The following ABCB5 variants were observed in gnomAD, a reference collection of about 807,000 sequenced individuals.
ABCB5 encodes the protein ATP binding cassette subfamily B member 5, also known as ATP-binding cassette sub-family B member 5.
In ABCB5, 155 loss-of-function variants were observed where a neutral mutation model predicts 144.2. The observed-to-expected ratio is 1.08, with a 90% CI of 0.94 to 1.23. The LOEUF (loss-of-function observed/expected upper bound fraction) is 1.23, where lower values mean the gene tolerates loss of function less well. Among genes scored for constraint, ABCB5 ranks in the 50% most tolerant of loss-of-function variants. ABCB5 has a pLI of 0.00. For synonymous variants in ABCB5, 610 were observed against 528.6 expected, an observed-to-expected ratio of 1.15 and a Z score of -2.11; for missense variants, 1,830 against 1,520.8, an observed-to-expected ratio of 1.20 and a Z score of -3.38.
At chr7:20,740,707 G>A (rs1339310795) in intron 24 of ABCB5, among the ~76,000 whole-genome samples, 5 of 152,126 alleles carry the variant, frequency 3.3e-5, no homozygotes, top group Non-Finnish European at 5.9e-5. Context: ...CATAGGCATG[G>A]CATAGACTAT....
In ABCB5 at chr7:20,623,251, A is replaced by G. The variant is rs1003681011; in HGVS notation, c.-21-14A>G. On this transcript the variant is annotated splice_polypyrimidine_tract_variant and intron_variant, in intron 1 of 27. Coordinates refer to ENST00000404938, the MANE Select transcript of ABCB5 (RefSeq NM_001163941.2). The stretch of plus-strand genomic sequence containing the variant: ...TCACATAGCCATAATACATTTGTTA[A>G]AATTGTATTTCAGAAGAAGTAAATT... The G allele has an allele frequency of 1.4e-6, 2 of 1,402,566 alleles. No individual in the cohort carries two copies. Among genetic ancestry groups the G allele is most frequent in the Non-Finnish European group, 2.0e-6 (2 of 1,012,156 alleles). 86.9% of individuals were successfully genotyped at this position (1,402,566 alleles called of 1,614,324 possible). A position where few individuals can be genotyped will look rare whatever the true frequency, so the allele number is the denominator to read the frequency against.
At chr7:20,748,906 A>C (rs1328121357) in intron 26 of ABCB5, among the ~76,000 whole-genome samples, 2 of 152,174 alleles carry the variant, frequency 1.3e-5, no homozygotes, top group East Asian at 3.8e-4. Context: ...CTCTCCAAGA[A>C]TTATTTAGCA....
At chr7:20,727,898 C>G (rs1275188042) in intron 22 of ABCB5, among the ~76,000 whole-genome samples, 2 of 152,164 alleles carry the variant, frequency 1.3e-5, no homozygotes, top group East Asian at 3.8e-4. Context: ...GCTTTTTACT[C>G]TTTTGGACTC....
At chr7:20,719,392 C>T (rs1368445730) in intron 20 of ABCB5, among the ~76,000 whole-genome samples, 1 of 152,086 alleles carries the variant, frequency 6.6e-6, no homozygotes, top group Non-Finnish European at 1.5e-5. Context: ...TTTATTTTAC[C>T]TCATACTATG....
intron 4 of ABCB5, among the ~76,000 whole-genome samples, chr7:20,630,422 A>C (rs1323638388): frequency 6.6e-6 from 1 of 152,134 alleles, no homozygotes; most frequent in East Asian, 1.9e-4. Context: ...GCAAAAAAAA[A>C]TCTTTAAACT....
In ABCB5 at chr7:20,658,661, A is replaced by G. The variant is rs1562544386; in HGVS notation, c.1692A>G (p.Gln564=). The stretch of plus-strand genomic sequence containing the variant: ...ATTCAGAAAGCAAGTCAGCTGTTCA[A>G]GCTGCACTGGAGAAGGTAAGTGAGC... ...ALDSESKSAV[Q]AALEKASKGR... Residue 564 remains glutamine, a synonymous_variant, in exon 14 of 28, where the codon CAA becomes CAG. Coordinates refer to ENST00000404938, the MANE Select transcript of ABCB5 (RefSeq NM_001163941.2). 1.2e-6 allele frequency: 2 copies of G among 1,614,124 alleles called. No homozygotes were observed. Among genetic ancestry groups the G allele is most frequent in the African/African-American group, 2.7e-5 (2 of 75,056 alleles).
intron 24 of ABCB5, among the ~76,000 whole-genome samples, chr7:20,739,686 C>G (rs1300322666): frequency 6.6e-6 from 1 of 151,644 alleles, no homozygotes; most frequent in Non-Finnish European, 1.5e-5. Context: ...AAGTTTTGAT[C>G]TTGGATGAAG....
At chr7:20,633,395 C>G (rs544517166) in intron 5 of ABCB5, among the ~76,000 whole-genome samples, 16 of 152,108 alleles carry the variant, frequency 1.1e-4, no homozygotes, top group South Asian at 6.2e-4. Flanking sequence ...CTTTTCCCCC[C>G]AAAATGAAGA....
At chr7:20,618,441 G>A (rs1217680105) in intron 1 of ABCB5, among the ~76,000 whole-genome samples, 1 of 152,132 alleles carries the variant, frequency 6.6e-6, no homozygotes, top group Non-Finnish European at 1.5e-5. Context: ...GAGCTTACCT[G>A]TGCAGGCAGG....
At chr7:20,636,202 T>G (rs1784152011) in intron 5 of ABCB5, among the ~76,000 whole-genome samples, 1 of 152,190 alleles carries the variant, frequency 6.6e-6, no homozygotes, top group African/African-American at 2.4e-5. Flanking sequence ...TTTTGAAAAT[T>G]CTTGATTAGG....
chr7:20,681,809 G>A (rs974199826), intron 15 of ABCB5, 143 bp downstream of exon 15: 1 of 929,854 alleles, frequency 1.1e-6, no homozygotes, highest in Non-Finnish European at 1.6e-6. Context: ...AAGAAATGGA[G>A]TGTTTCAAAT....
intron 23 of ABCB5, among the ~76,000 whole-genome samples, chr7:20,729,345 T>A (rs1489046449): frequency 2.0e-5 from 3 of 152,206 alleles, no homozygotes; most frequent in African/African-American, 7.2e-5. Context: ...ACTCTCAGTG[T>A]GGAGATGGCT....
intron 19 of ABCB5, among the ~76,000 whole-genome samples, chr7:20,704,401 CT>C (rs1786747310): frequency 6.6e-6 from 1 of 152,072 alleles, no homozygotes; most frequent in Non-Finnish European, 1.5e-5. Context: ...ATTATGTCTG[CT>C]TTTCACAAAT....
At chr7:20,719,131 A>G (rs2128048520) in intron 20 of ABCB5, among the ~76,000 whole-genome samples, 1 of 152,288 alleles carries the variant, frequency 6.6e-6, no homozygotes, top group African/African-American at 2.4e-5. Flanking sequence ...TGTAGATTTT[A>G]ACTTTATCTA....
intron 5 of ABCB5, among the ~76,000 whole-genome samples, chr7:20,634,970 C>T (rs916533573): frequency 6.6e-6 from 1 of 152,020 alleles, no homozygotes; most frequent in Admixed American, 6.6e-5. Context: ...GTCATGAATA[C>T]TTTGTCAAGG....
chr7:20,669,108 G>C (rs1427129834), intron 14 of ABCB5, among the ~76,000 whole-genome samples: 1 of 151,094 alleles, frequency 6.6e-6, no homozygotes, highest in African/African-American at 2.4e-5. Context: ...TGGTGGGGGG[G>C]GTCAGCCCCC....
Position 20,645,788 on chromosome 7 carries a change from T to C in ABCB5, c.711T>C (p.Ser237=). 3 of 1,613,876 alleles carry C rather than the reference T, an allele frequency of 1.9e-6. No individual in the cohort carries two copies. The highest frequency in any genetic ancestry group is 2.5e-6 in the Non-Finnish European group (3 of 1,179,770). ...MVISLTSKEL[S]AYSKAGAVAE... ...TCTCATTGACCAGTAAGGAATTAAG[T>C]GCCTATTCCAAAGCTGGGGCTGTGG... The change falls in exon 8 of 28, where the codon AGT becomes AGC. Residue 237 remains serine, a synonymous_variant. Transcript: ENST00000404938.
chr7:20,642,526 A>AT (rs928957520), intron 5 of ABCB5, among the ~76,000 whole-genome samples: 14 of 150,850 alleles, frequency 9.3e-5, no homozygotes, highest in South Asian at 8.4e-4. Flanking sequence ...AGAAAAACCT[A>AT]TTTTTTTTTC....
At chr7:20,700,169 T>A in intron 19 of ABCB5, 34 bp downstream of exon 19, 1 of 1,490,170 alleles carries the variant, frequency 6.7e-7, no homozygotes, top group Non-Finnish European at 9.1e-7. Flanking sequence ...TTTATTTTAT[T>A]TAAAATTTAT....
Sources: allele counts gnomAD v4.1 joint callset (sites outside exome capture counted in the v4.1 genomes callset), GRCh38; gene constraint gnomAD v4.1.1; transcripts MANE v1.5; gene names NCBI Gene and HGNC (gene_info 2026-07-23, HGNC 2026-07-21).